The following KCTD1 variants were observed in gnomAD, a reference collection of about 807,000 sequenced individuals.
KCTD1 encodes the protein BTB/POZ domain-containing protein KCTD1.
KCTD1 carries 24 observed loss-of-function variants against 66.0 expected under a neutral mutation model. The ratio of observed to expected loss-of-function variants is 0.36; its 90% CI spans 0.26 to 0.51. The LOEUF is 0.51. KCTD1 is among the 20% of genes least tolerant of loss of function. The pLI is 0.95. For synonymous variants in KCTD1, 511 were observed against 517.2 expected (o/e 0.99, Z 0.16); for missense variants, 943 against 1,205.2 (o/e 0.78, Z 3.22).
chr18:26,599,983 G>A (rs1986852938), intron 1 of KCTD1: 1 of 1,610,710 alleles, frequency 6.2e-7, no homozygotes, highest in Admixed American at 1.7e-5. Flanking sequence ...GGACCCTGCT[G>A]CTGCCAAGCT....
upstream of KCTD1, among the ~76,000 whole-genome samples, chr18:26,550,565 G>GACACACACACACACACACACACACAC (rs60922405): frequency 2.8e-5 from 4 of 140,490 alleles, no homozygotes; most frequent in African/African-American, 1.1e-4. This position sits in a 1 kb window ranked among gnomAD's most constrained non-coding sequence, Gnocchi z 5.4. Context: ...AAGACACACA[G>GACACACACACACACACACACACACAC]ACACACACAC....
intron 1 of KCTD1, among the ~76,000 whole-genome samples, chr18:26,546,321 C>T (rs971964165): frequency 1.3e-5 from 2 of 151,534 alleles, no homozygotes; most frequent in African/African-American, 2.4e-5. Context: ...ATGGCGAATA[C>T]GTAATAGAGT....
At chr18:26,477,126 A>G (rs1017976548) in intron 2 of KCTD1, among the ~76,000 whole-genome samples, 5 of 152,268 alleles carry the variant, frequency 3.3e-5, no homozygotes, top group African/African-American at 1.2e-4. Flanking sequence ...GGCAAAGCCT[A>G]TATGTTGACA....
intron 1 of KCTD1, among the ~76,000 whole-genome samples, chr18:26,514,648 A>G (rs1003372237): frequency 2.0e-5 from 3 of 152,024 alleles, no homozygotes; most frequent in Admixed American, 6.6e-5. Context: ...TCCTGTTGAT[A>G]GGCATGCTCC....
intron 1 of KCTD1, among the ~76,000 whole-genome samples, chr18:26,587,551 A>G (rs1278975570): frequency 6.6e-6 from 1 of 152,246 alleles, no homozygotes; most frequent in Non-Finnish European, 1.5e-5. Flanking sequence ...GCCATAGATT[A>G]TGTGATTCCT....
rs528615819 is a variant in KCTD1 at position 26,527,494 on chromosome 18, G to T, written c.1809+19234C>A. On this transcript the variant is annotated intron_variant, in intron 1 of 4. Coordinates refer to ENST00000580059, the MANE Select transcript of KCTD1 (RefSeq NM_001142730.3). ...AAGAGGGCTACTGCAAAAAAAAAAG[G>T]GGGGGGGGCGTGGGAGGGATGACGA... Among the ~76,000 whole-genome samples the T allele has an allele frequency of 3.2e-5, 4 of 124,242 alleles. 1 individual carries two copies. Among genetic ancestry groups the T allele is most frequent in the South Asian group, 2.4e-4 (1 of 4,120 alleles). 81.5% of individuals were successfully genotyped at this position (124,242 alleles called of 152,430 possible).
chr18:26,511,133 C>A (rs1850895306), intron 1 of KCTD1, among the ~76,000 whole-genome samples: 1 of 152,080 alleles, frequency 6.6e-6, no homozygotes, highest in African/African-American at 2.4e-5. Context: ...CTATATTTTA[C>A]CTTCATAATA....
At chr18:26,523,632 A>C (rs1984022217) in intron 1 of KCTD1, among the ~76,000 whole-genome samples, 1 of 152,082 alleles carries the variant, frequency 6.6e-6, no homozygotes, top group Admixed American at 6.6e-5. Flanking sequence ...ACAAATAAAT[A>C]ATAAAATTAA....
rs551725779 is a variant in KCTD1, at chr18:26,573,540, G to A, written c.-16+55607C>T. ...GTTTATGTTTGGGCACAACTATGCCGGAAGACGTGATAAGGTGGTGAGAAG... is the reference window on the plus strand; with the variant it reads ...GTTTATGTTTGGGCACAACTATGCCAGAAGACGTGATAAGGTGGTGAGAAG... On this transcript the variant is annotated intron_variant, in intron 1 of 4. Coordinates refer to the KCTD1 transcript ENST00000317932. 3.9e-5 allele frequency among the ~76,000 whole-genome samples: 6 copies of A among 152,304 alleles called. No homozygotes were observed. The East Asian group carries it at 9.6e-4, about 24-fold the overall frequency.
chr18:26,537,554 T>TA (rs1218837806), intron 1 of KCTD1, among the ~76,000 whole-genome samples: 30 of 152,342 alleles, frequency 2.0e-4, no homozygotes, highest in African/African-American at 6.7e-4. Flanking sequence ...TTCAACCGTA[T>TA]ATTAGTACAC....
upstream of KCTD1, among the ~76,000 whole-genome samples, chr18:26,632,079 C>A (rs901137677): frequency 5.0e-5 from 4 of 80,592 alleles, no homozygotes; most frequent in South Asian, 1.4e-3. Flanking sequence ...CAAAAAAAAA[C>A]CATTTCATTT....
At chr18:26,466,080 G>A (rs9949500) in intron 3 of KCTD1, among the ~76,000 whole-genome samples, 1 of 23,422 alleles carries the variant, frequency 4.3e-5, no homozygotes, top group Non-Finnish European at 1.0e-4. Context: ...CGCAGGTACG[G>A]GTGAAGAAAC....
At chr18:26,622,372 A>G (rs906410828) in intron 1 of KCTD1, among the ~76,000 whole-genome samples, 1 of 152,130 alleles carries the variant, frequency 6.6e-6, no homozygotes, top group African/African-American at 2.4e-5. Context: ...CTCCATTTGG[A>G]TATCTACCAC....
chr18:26,491,634 A>T (rs1982205694), intron 2 of KCTD1, among the ~76,000 whole-genome samples: 1 of 152,186 alleles, frequency 6.6e-6, no homozygotes. Context: ...CCATATTTGT[A>T]TGACACTAGG....
chr18:26,564,014 AG>A (rs1398160627), intron 1 of KCTD1, among the ~76,000 whole-genome samples: 1 of 139,786 alleles, frequency 7.2e-6, no homozygotes, highest in Non-Finnish European at 1.5e-5. Context: ...ATTCAAAGAG[AG>A]GGGCTTTTTT....
intron 1 of KCTD1, chr18:26,543,576 G>A (rs1985074632): frequency 2.0e-5 from 3 of 152,252 alleles, no homozygotes; most frequent in African/African-American, 7.2e-5. Context: ...ACAACTAACT[G>A]TGTCAGCCTG....
At chr18:26,567,777 G>A (rs1028748369) in intron 1 of KCTD1, among the ~76,000 whole-genome samples, 5 of 151,962 alleles carry the variant, frequency 3.3e-5, no homozygotes, top group Non-Finnish European at 7.4e-5. Flanking sequence ...GTGAGCCACC[G>A]TGCCCGGCCA....
intron 4 of KCTD1, chr18:26,457,435 C>G (rs1428239788): frequency 6.6e-6 from 1 of 152,188 alleles, no homozygotes; most frequent in African/African-American, 2.4e-5. Context: ...TGGAAAAGAT[C>G]CCTTGCCATG....
intron 1 of KCTD1, among the ~76,000 whole-genome samples, chr18:26,507,240 A>G (rs1045235411): frequency 6.6e-6 from 1 of 152,240 alleles, no homozygotes; most frequent in Middle Eastern, 3.2e-3. Flanking sequence ...CATTTTGGAC[A>G]GTGTAGTAAC....
Sources: gnomAD v4.1 joint callset for allele counts (sites outside exome capture counted in the v4.1 genomes callset) on GRCh38, gnomAD v4.1.1 for gene constraint, Gnocchi (gnomAD v3.1) non-coding constraint, MANE v1.5 for transcripts, NCBI Gene and HGNC (gene_info 2026-07-23, HGNC 2026-07-21) for gene names.